Variants in CPSF2 observed in about 807,000 individuals in gnomAD.
The protein encoded by CPSF2 is cleavage and polyadenylation specificity factor subunit 2.
In CPSF2, 51 loss-of-function variants were observed where a neutral mutation model predicts 84.2. That is an observed-to-expected ratio of 0.61 (90% confidence interval 0.48 to 0.77). The LOEUF (loss-of-function observed/expected upper bound fraction) is 0.77, where lower values mean the gene tolerates loss of function less well. Ranked by LOEUF, CPSF2 falls within the 30% of genes least tolerant of loss-of-function variation. CPSF2 has a pLI of 0.00. For synonymous variants in CPSF2, 286 were observed against 311.9 expected (o/e 0.92, Z 0.87); for missense variants, 641 against 929.4 (o/e 0.69, Z 4.03).
In CPSF2 at chr14:92,166,252, T is replaced by C. The variant is rs2069445796; in HGVS notation, c.*4508T>C. 6.6e-6 allele frequency: 1 copy of C among 152,196 alleles called. No homozygotes were observed. The highest frequency in any genetic ancestry group is 2.4e-5 in the African/African-American group (1 of 41,462). The allele number at this position is 152,196 out of a possible 1,614,324, so 9.4% of individuals were successfully genotyped here. On this transcript the variant is annotated 3_prime_UTR_variant, in exon 16 of 16. Transcript: ENST00000298875. The stretch of plus-strand genomic sequence containing the variant: ...CTATCTAAAAAACCATTGCTTCATC[T>C]AAAGTCATGAAGATTTACACTCTTT...
intron 3 of CPSF2, among the ~76,000 whole-genome samples, chr14:92,131,946 A>G (rs1036717855): frequency 4.6e-5 from 7 of 152,214 alleles, no homozygotes; most frequent in Admixed American, 4.6e-4. Context: ...TTGAGAAAAA[A>G]AATCCAAACC....
intron 2 of CPSF2, among the ~76,000 whole-genome samples, chr14:92,127,526 T>A (rs181660032): frequency 6.6e-6 from 1 of 152,174 alleles, no homozygotes; most frequent in Non-Finnish European, 1.5e-5. Context: ...AGTGGAGATA[T>A]ATCTGTGGAC....
intron 9 of CPSF2, among the ~76,000 whole-genome samples, chr14:92,144,359 T>C (rs1416675223): frequency 1.3e-5 from 2 of 152,232 alleles, no homozygotes; most frequent in Admixed American, 6.5e-5. Context: ...TATCTGCTCC[T>C]GTGGTCATTG....
chr14:92,149,603 A>T (rs1595062190), intron 9 of CPSF2, among the ~76,000 whole-genome samples: 1 of 152,152 alleles, frequency 6.6e-6, no homozygotes, highest in African/African-American at 2.4e-5. Context: ...AAGAAAAAAA[A>T]GTCCTTGAGG....
At position 92,169,281 on chromosome 14, in the gene CPSF2, CAT is replaced by C. The variant is rs1363174691; in HGVS notation, c.*7538_*7539del. On this transcript the variant is annotated 3_prime_UTR_variant, in exon 16 of 16. Transcript: ENST00000298875. ...TAGAAACACATTGTGGTCTCAGCCT[CAT>C]GTGGCATTGCCACTTGTTACTACAT... 1 of 152,210 alleles carries C rather than the reference CAT, an allele frequency of 6.6e-6. No individual in the cohort carries two copies. The highest frequency in any genetic ancestry group is 2.4e-5 in the African/African-American group (1 of 41,464). The allele number at this position is 152,210 out of a possible 1,614,324, so 9.4% of individuals were successfully genotyped here.
At chr14:92,145,289 A>C (rs1026505555) in intron 9 of CPSF2, among the ~76,000 whole-genome samples, 3 of 152,158 alleles carry the variant, frequency 2.0e-5, no homozygotes, top group Non-Finnish European at 4.4e-5. Context: ...CCTGGAGTGC[A>C]GTGGCACCAT....
Position 92,161,690 on chromosome 14 carries a change from T to C in CPSF2, c.2295T>C (p.Cys765=). Residue 765 remains cysteine, a synonymous_variant, in exon 16 of 16, where the codon TGT becomes TGC. Transcript: ENST00000298875. Reference sequence around the variant, plus strand: ...GCATTGGATTAGAAGGCTGCCTTTGTCAAGATTTTTATAGGATAAGAGACC... The same window carrying C: ...GCATTGGATTAGAAGGCTGCCTTTGCCAAGATTTTTATAGGATAAGAGACC... ...TGRIGLEGCL[C]QDFYRIRDLL... 6.3e-7 allele frequency: 1 copy of C among 1,596,138 alleles called. No individual in the cohort carries two copies. Among genetic ancestry groups the C allele is most frequent in the Non-Finnish European group, 8.5e-7 (1 of 1,174,580 alleles).
Position 92,157,815 on chromosome 14 carries a change from A to G in CPSF2, c.1752A>G (p.Lys584=), listed in dbSNP as rs773534371. ...LAECCRAFGG[K]DIKVYMPKLH... The stretch of plus-strand genomic sequence containing the variant: ...AGTGCTGTCGCGCCTTTGGTGGGAA[A>G]GATATTAAAGTGTACATGCCAAAGC... Residue 584 remains lysine (K), a synonymous_variant, in exon 13 of 16, where the codon AAA becomes AAG. Transcript: ENST00000298875. This position sits in a 1 kb window ranked among gnomAD's most constrained non-coding sequence, Gnocchi z 4.0. 6.2e-7 allele frequency: 1 copy of G among 1,614,234 alleles called. No individual in the cohort carries two copies. The highest frequency in any genetic ancestry group is 8.5e-7 in the Non-Finnish European group (1 of 1,180,030).
chr14:92,145,338 G>C (rs1242319733), intron 9 of CPSF2, among the ~76,000 whole-genome samples: 2 of 150,570 alleles, frequency 1.3e-5, no homozygotes, highest in Non-Finnish European at 1.5e-5. Flanking sequence ...GGCTCAAGCT[G>C]TCCCTACACC....
Position 92,162,599 on chromosome 14 carries a change from G to T in CPSF2, c.*855G>T, listed in dbSNP as rs1366981716. Reference sequence around the variant, plus strand: ...GGTGACAGTGTAATTTAATTAAAAGGTGTAAATGTTTTCATCTCTTAGGCT... The same window carrying T: ...GGTGACAGTGTAATTTAATTAAAAGTTGTAAATGTTTTCATCTCTTAGGCT... On this transcript the variant is annotated 3_prime_UTR_variant, in exon 16 of 16. Transcript: ENST00000298875. 1.3e-5 allele frequency: 2 copies of T among 152,140 alleles called. No individual in the cohort carries two copies. The highest frequency in any genetic ancestry group is 4.1e-4 in the South Asian group (2 of 4,820). 9.4% of individuals were successfully genotyped at this position (152,140 alleles called of 1,614,324 possible).
chr14:92,135,330 T>C, intron 5 of CPSF2, 37 bp from the exon 6 acceptor site: 1 of 1,558,176 alleles, frequency 6.4e-7, no homozygotes, highest in Non-Finnish European at 8.7e-7. Flanking sequence ...TTTAGGGTTG[T>C]AAAAGAAATC....
At chr14:92,142,484 A>G in intron 8 of CPSF2, 133 bp downstream of exon 8, 1 of 651,722 alleles carries the variant, frequency 1.5e-6, no homozygotes, top group Non-Finnish European at 2.6e-6. Context: ...CTTGGCATTA[A>G]CCATTTACTG....
intron 11 of CPSF2, 134 bp downstream of exon 11, chr14:92,155,457 G>C (rs886351512): frequency 1.5e-6 from 1 of 671,664 alleles, no homozygotes; most frequent in African/African-American, 1.8e-5. Context: ...GAGTACCTCA[G>C]CCTGAAGACA....
rs948171008 is a variant in CPSF2, at chr14:92,164,686, T to C, written c.*2942T>C. On this transcript the variant is annotated 3_prime_UTR_variant, in exon 16 of 16. Transcript: ENST00000298875. ...TGTCAAATATCATTGTAAACATTTC[T>C]ATATTTTTAGAAATATCTTGGGTGG... 1 of 152,256 alleles carries C rather than the reference T, an allele frequency of 6.6e-6. No homozygotes were observed. The highest frequency in any genetic ancestry group is 2.4e-5 in the African/African-American group (1 of 41,470). The allele number at this position is 152,256 out of a possible 1,614,324, so 9.4% of individuals were successfully genotyped here. A position where few individuals can be genotyped will look rare whatever the true frequency, so the allele number is the denominator to read the frequency against.
intron 4 of CPSF2, 36 bp downstream of exon 4, chr14:92,134,206 C>T (rs2068970499): frequency 1.2e-6 from 2 of 1,610,824 alleles, no homozygotes; most frequent in Middle Eastern, 1.7e-4. Flanking sequence ...TGTTAGCACT[C>T]CTTCAGTGAT....
chr14:92,156,662 A>T, intron 12 of CPSF2, 31 bp downstream of exon 12: 1 of 1,425,794 alleles, frequency 7.0e-7, no homozygotes, highest in South Asian at 1.4e-5. Flanking sequence ...TTGAAAATAG[A>T]TTATAAGATA....
chr14:92,155,759 A>G (rs982274377), intron 11 of CPSF2, among the ~76,000 whole-genome samples: 2 of 130,900 alleles, frequency 1.5e-5, no homozygotes, highest in African/African-American at 6.3e-5. Flanking sequence ...TGAGACCCCC[A>G]TCTCTATCTT....
chr14:92,145,035 T>C (rs2069125324), intron 9 of CPSF2, among the ~76,000 whole-genome samples: 1 of 152,218 alleles, frequency 6.6e-6, no homozygotes, highest in African/African-American at 2.4e-5. Flanking sequence ...ATCATTTGCT[T>C]AATAACCAGC....
intron 9 of CPSF2, among the ~76,000 whole-genome samples, chr14:92,152,247 A>G (rs1333873769): frequency 6.6e-6 from 1 of 151,900 alleles, no homozygotes; most frequent in Non-Finnish European, 1.5e-5. Flanking sequence ...CTCCTGCCTC[A>G]GCCTCCCTAG....
Sources: gnomAD v4.1 joint callset for allele counts (sites outside exome capture counted in the v4.1 genomes callset) on GRCh38, gnomAD v4.1.1 for gene constraint, Gnocchi (gnomAD v3.1) non-coding constraint, MANE v1.5 for transcripts, NCBI Gene and HGNC (gene_info 2026-07-23, HGNC 2026-07-21) for gene names.